DOK5: variants seen among roughly 807,000 people sequenced by gnomAD.
DOK5 encodes downstream of tyrosine kinase 5.
DOK5 carries 27 observed loss-of-function variants against 43.3 expected under a neutral mutation model. The observed-to-expected ratio is 0.62, with a 90% confidence interval of 0.46 to 0.86. DOK5 has a LOEUF of 0.86. Ranked by LOEUF, DOK5 falls within the 40% of genes least tolerant of loss-of-function variation. The pLI, the probability that DOK5 is intolerant of heterozygous loss-of-function variation, is 0.00. For synonymous variants in DOK5, 146 were observed against 140.1 expected, an observed-to-expected ratio of 1.04 and a Z score of -0.30; for missense variants, 373 against 392.9, an observed-to-expected ratio of 0.95 and a Z score of 0.43.
At chr20:54,526,374 T>A (rs1983576907) in intron 1 of DOK5, among the ~76,000 whole-genome samples, 1 of 152,124 alleles carries the variant, frequency 6.6e-6, no homozygotes, top group African/African-American at 2.4e-5. Context: ...TTTTAGCTAG[T>A]GAATATTCAG....
chr20:54,563,659 G>A (rs1600704125), intron 2 of DOK5, among the ~76,000 whole-genome samples: 3 of 126,844 alleles, frequency 2.4e-5, no homozygotes, highest in Non-Finnish European at 4.9e-5. Context: ...TTCTCTATTT[G>A]TCAGGTTTTT....
intron 1 of DOK5, among the ~76,000 whole-genome samples, chr20:54,544,255 C>A: frequency 6.6e-6 from 1 of 152,158 alleles, no homozygotes; most frequent in East Asian, 1.9e-4. Flanking sequence ...GAATCTTAGG[C>A]ATAGAATCAT....
intron 2 of DOK5, among the ~76,000 whole-genome samples, chr20:54,565,254 T>C (rs968152803): frequency 6.6e-6 from 1 of 152,188 alleles, no homozygotes; most frequent in African/African-American, 2.4e-5. Context: ...TTAGGCACAA[T>C]AAGAGATTGA....
At chr20:54,627,154 CTT>C (rs1487940220) in intron 6 of DOK5, among the ~76,000 whole-genome samples, 1 of 152,038 alleles carries the variant, frequency 6.6e-6, no homozygotes, top group Non-Finnish European at 1.5e-5. Context: ...AAACAATACT[CTT>C]TGACTGTGAA....
chr20:54,602,079 A>G (rs1222883964), intron 5 of DOK5, among the ~76,000 whole-genome samples: 1 of 152,136 alleles, frequency 6.6e-6, no homozygotes, highest in East Asian at 1.9e-4. Flanking sequence ...CTTCAAGGCA[A>G]ATATGTGGCT....
chr20:54,516,030 A>G (rs1983186200), intron 1 of DOK5, among the ~76,000 whole-genome samples: 1 of 152,198 alleles, frequency 6.6e-6, no homozygotes, highest in Admixed American at 6.5e-5. Context: ...AAAAGGAGAA[A>G]TGTGTATAAT....
Position 54,600,447 on chromosome 20 carries a change from A to C in DOK5, c.599+8642A>C, listed in dbSNP as rs577699207. Among the ~76,000 whole-genome samples, 8 of 152,250 alleles carry C rather than the reference A, an allele frequency of 5.3e-5. No individual in the cohort carries two copies. The East Asian group carries it at 1.5e-3, about 29-fold the overall frequency. On this transcript the variant is annotated intron_variant, in intron 5 of 7. Transcript: ENST00000262593. Reference sequence around the variant, plus strand: ...ACTAAAATGACTCCCAGAACTCACCAAAAGCTATTAAACACACAGTTATGG... The same window carrying C: ...ACTAAAATGACTCCCAGAACTCACCCAAAGCTATTAAACACACAGTTATGG...
intron 6 of DOK5, among the ~76,000 whole-genome samples, chr20:54,616,517 C>A (rs866694706): frequency 1.3e-5 from 2 of 152,132 alleles, no homozygotes; most frequent in African/African-American, 4.8e-5. Flanking sequence ...TTCTCTGGGA[C>A]CTTGCTACTG....
At chr20:54,546,076 A>G (rs547221604) in intron 1 of DOK5, among the ~76,000 whole-genome samples, 2 of 152,340 alleles carry the variant, frequency 1.3e-5, no homozygotes, top group South Asian at 2.1e-4. Context: ...TCAGGCAAAC[A>G]AAAGTTAGAA....
At chr20:54,483,803 A>G (rs1402470678) in intron 1 of DOK5, among the ~76,000 whole-genome samples, 1 of 152,226 alleles carries the variant, frequency 6.6e-6, no homozygotes, top group Non-Finnish European at 1.5e-5. Context: ...GCAGATGGCT[A>G]CATTTTGGAT....
rs756034209 is a variant in DOK5 at position 54,549,208 on chromosome 20, AT to A, written c.67-5722del. 2.0e-5 allele frequency among the ~76,000 whole-genome samples: 3 copies of A among 152,070 alleles called. No individual in the cohort carries two copies. In the South Asian group the frequency reaches 6.2e-4, roughly 31 times the overall value. ...TACCTGAAAACATGGTAAAGAGCAA[AT>A]TTGTCTGGTCCCAACTGAAGAGGTT... On this transcript the variant is annotated intron_variant, in intron 1 of 7. Coordinates refer to ENST00000262593, the MANE Select transcript of DOK5 (RefSeq NM_018431.5).
At chr20:54,631,315 C>T (rs1467818080) in intron 6 of DOK5, among the ~76,000 whole-genome samples, 1 of 151,776 alleles carries the variant, frequency 6.6e-6, no homozygotes, top group Admixed American at 6.6e-5. Context: ...TGTCGGGGGG[C>T]TGAGGTGGGA....
In DOK5 at chr20:54,616,869, G is replaced by A. The variant is rs570754775; in HGVS notation, c.735+6346G>A. ...GTGGCGCTATCTCGGCTCACTGCACGCTCCGCCTCCTGAGTTCACCCACCA... is the reference window on the plus strand; with the variant it reads ...GTGGCGCTATCTCGGCTCACTGCACACTCCGCCTCCTGAGTTCACCCACCA... On this transcript the variant is annotated intron_variant, in intron 6 of 7. Transcript: ENST00000262593. Among the ~76,000 whole-genome samples, 9 of 139,582 alleles carry A rather than the reference G, an allele frequency of 6.4e-5. No individual in the cohort carries two copies. The South Asian group carries it at 1.8e-3, about 28-fold the overall frequency. The allele number at this position is 139,582 out of a possible 152,430, so 91.6% of individuals were successfully genotyped here. A position where few individuals can be genotyped will look rare whatever the true frequency, so the allele number is the denominator to read the frequency against.
At chr20:54,636,518 T>C (rs1427700168) in intron 6 of DOK5, among the ~76,000 whole-genome samples, 2 of 152,164 alleles carry the variant, frequency 1.3e-5, no homozygotes, top group Admixed American at 6.5e-5. Context: ...GACCTGTAAC[T>C]CAACTAGTCC....
intron 1 of DOK5, among the ~76,000 whole-genome samples, chr20:54,513,243 T>G (rs569924166): frequency 1.3e-5 from 2 of 152,224 alleles, no homozygotes; most frequent in South Asian, 4.1e-4. Context: ...TTCTGTTACA[T>G]TCAGCTGAAT....
At chr20:54,637,698 T>C (rs76159391) in intron 6 of DOK5, among the ~76,000 whole-genome samples, 1 of 152,384 alleles carries the variant, frequency 6.6e-6, no homozygotes, top group East Asian at 1.9e-4. Flanking sequence ...TTAGGATTTA[T>C]TTTTGAAGAC....
intron 1 of DOK5, among the ~76,000 whole-genome samples, chr20:54,552,296 C>A (rs914279940): frequency 6.6e-6 from 1 of 152,006 alleles, no homozygotes; most frequent in Non-Finnish European, 1.5e-5. Flanking sequence ...CTGCTTCACC[C>A]CTCCCCACAA....
At chr20:54,492,294 GTATA>G (rs1321391844) in intron 1 of DOK5, among the ~76,000 whole-genome samples, 1 of 152,002 alleles carries the variant, frequency 6.6e-6, no homozygotes, top group Non-Finnish European at 1.5e-5. Context: ...GTACTTGTGT[GTATA>G]TATATAATTT....
At chr20:54,513,462 CAAAAAA>C (rs1011871917) in intron 1 of DOK5, among the ~76,000 whole-genome samples, 1 of 24,624 alleles carries the variant, frequency 4.1e-5, no homozygotes, top group Non-Finnish European at 9.9e-5. Context: ...ATACTCTGAG[CAAAAAA>C]AAAAAAAAAA....
Sources: allele counts gnomAD v4.1 joint callset (sites outside exome capture counted in the v4.1 genomes callset), GRCh38; gene constraint gnomAD v4.1.1; transcripts MANE v1.5; gene names NCBI Gene and HGNC (gene_info 2026-07-23, HGNC 2026-07-21).